Variants in KHDRBS2 observed in about 807,000 individuals in gnomAD.
The protein encoded by KHDRBS2 is KH RNA binding domain containing, signal transduction associated 2, also known as KH domain-containing, RNA-binding, signal transduction-associated protein 2.
Under a neutral mutation model 44.3 loss-of-function variants are expected in KHDRBS2, and 26 were observed. That is an observed-to-expected ratio of 0.59 (90% CI 0.43 to 0.81). The LOEUF is 0.81. Among genes scored for constraint, KHDRBS2 ranks in the 40% least tolerant of loss-of-function variants. The pLI, the probability that KHDRBS2 is intolerant of heterozygous loss-of-function variation, is 0.00. For synonymous variants in KHDRBS2, 194 were observed against 151.1 expected (o/e 1.28, Z -2.08); for missense variants, 476 against 433.1 (o/e 1.10, Z -0.88).
chr6:61,992,137 C>A (rs970710823), intron 3 of KHDRBS2, among the ~76,000 whole-genome samples: 2 of 152,178 alleles, frequency 1.3e-5, no homozygotes, highest in East Asian at 3.9e-4. Context: ...ACTGTTGCTA[C>A]TTTTAGCTTT....
At chr6:61,814,426 G>A (rs1224803339) in intron 6 of KHDRBS2, among the ~76,000 whole-genome samples, 3 of 152,022 alleles carry the variant, frequency 2.0e-5, no homozygotes, top group Non-Finnish European at 4.4e-5. Flanking sequence ...GGCTAACATG[G>A]TGAAATCCTG....
At chr6:61,590,766 T>C in the KHDRBS2 span, among the ~76,000 whole-genome samples, 1 of 152,174 alleles carries the variant, frequency 6.6e-6, no homozygotes. Context: ...AGTTATTCAA[T>C]GAAAAATCTG....
intron 1 of KHDRBS2, among the ~76,000 whole-genome samples, chr6:62,182,051 T>C (rs1446675055): frequency 6.6e-6 from 1 of 151,968 alleles, no homozygotes; most frequent in Admixed American, 6.6e-5. Context: ...AAAAGCATCA[T>C]CTATGAAGCA....
At chr6:62,102,289 C>T (rs1165432296) in intron 2 of KHDRBS2, among the ~76,000 whole-genome samples, 3 of 152,116 alleles carry the variant, frequency 2.0e-5, no homozygotes, top group East Asian at 1.9e-4. Flanking sequence ...TGAAGAAATA[C>T]CCAAGACTGG....
intron 2 of KHDRBS2, among the ~76,000 whole-genome samples, chr6:62,109,411 T>C (rs1319020518): frequency 6.6e-6 from 1 of 152,014 alleles, no homozygotes; most frequent in Non-Finnish European, 1.5e-5. Flanking sequence ...GACAAGAGAT[T>C]ATATAAAGAT....
chr6:61,597,757 T>C, the KHDRBS2 span, among the ~76,000 whole-genome samples: 45 of 53,888 alleles, frequency 8.4e-4, no homozygotes, highest in East Asian at 2.3e-3. Context: ...TATATATATA[T>C]ACATATATAT....
chr6:62,275,241 T>C (rs1267775654), intron 1 of KHDRBS2, among the ~76,000 whole-genome samples: 4 of 152,196 alleles, frequency 2.6e-5, no homozygotes. Context: ...CCATTTATCA[T>C]ACTGAAGTCC....
intron 6 of KHDRBS2, among the ~76,000 whole-genome samples, chr6:61,836,740 A>T (rs1489811646): frequency 8.8e-6 from 1 of 113,188 alleles, no homozygotes; most frequent in Non-Finnish European, 1.8e-5. Context: ...TTAGTGTTAC[A>T]CCTATTAGGT....
At chr6:61,844,606 G>T (rs1292706935) in intron 6 of KHDRBS2, among the ~76,000 whole-genome samples, 7 of 152,050 alleles carry the variant, frequency 4.6e-5, no homozygotes, top group African/African-American at 1.7e-4. Context: ...ATAAAAGCAA[G>T]AACTTTGTCT....
chr6:61,955,153 T>C (rs1766366084), intron 4 of KHDRBS2, among the ~76,000 whole-genome samples: 1 of 145,242 alleles, frequency 6.9e-6, no homozygotes, highest in African/African-American at 2.5e-5. Flanking sequence ...CATACGTGTG[T>C]ATGTATGTAT....
intron 1 of KHDRBS2, among the ~76,000 whole-genome samples, chr6:62,279,004 G>A (rs1425313612): frequency 6.6e-6 from 1 of 152,172 alleles, no homozygotes; most frequent in East Asian, 1.9e-4. Context: ...TGAGACAGGA[G>A]AATGGCCTGA....
intron 4 of KHDRBS2, among the ~76,000 whole-genome samples, chr6:61,913,882 C>A (rs1302833123): frequency 2.0e-5 from 3 of 151,934 alleles, no homozygotes; most frequent in African/African-American, 7.3e-5. Context: ...AGGGAGAATG[C>A]CAGTGCATAT....
intron 3 of KHDRBS2, among the ~76,000 whole-genome samples, chr6:62,024,765 A>G (rs950351662): frequency 4.6e-5 from 7 of 151,528 alleles, no homozygotes; most frequent in Non-Finnish European, 1.0e-4. Flanking sequence ...TTTTTTCATC[A>G]TTCTATTTCA....
intron 1 of KHDRBS2, among the ~76,000 whole-genome samples, chr6:62,254,095 T>C (rs1396365979): frequency 6.6e-6 from 1 of 152,030 alleles, no homozygotes; most frequent in Admixed American, 6.6e-5. Context: ...AGGAACAGTG[T>C]TGAAAAAATA....
intron 6 of KHDRBS2, among the ~76,000 whole-genome samples, chr6:61,755,608 G>C (rs575578238): frequency 6.6e-6 from 1 of 151,822 alleles, no homozygotes; most frequent in South Asian, 2.1e-4. Flanking sequence ...TCAGGAGTTC[G>C]AGACCAGCCT....
intron 6 of KHDRBS2, among the ~76,000 whole-genome samples, chr6:61,871,039 G>A (rs1798580315): frequency 1.3e-5 from 2 of 152,138 alleles, no homozygotes; most frequent in Non-Finnish European, 2.9e-5. Context: ...GCTTCAGAAA[G>A]TGGGTAATAA....
At chr6:61,557,631 T>C in the KHDRBS2 span, among the ~76,000 whole-genome samples, 1 of 152,204 alleles carries the variant, frequency 6.6e-6, no homozygotes, top group African/African-American at 2.4e-5. Context: ...GATATCAGGA[T>C]AATAGTAGTA....
downstream of KHDRBS2, among the ~76,000 whole-genome samples, chr6:61,677,386 G>A (rs1766005178): frequency 6.6e-6 from 1 of 151,854 alleles, no homozygotes; most frequent in Non-Finnish European, 1.5e-5. Context: ...TATATGAAAT[G>A]TTACTGATAA....
intron 1 of KHDRBS2, among the ~76,000 whole-genome samples, chr6:62,181,543 G>A (rs1822309536): frequency 6.6e-6 from 1 of 151,870 alleles, no homozygotes; most frequent in Non-Finnish European, 1.5e-5. Context: ...AAGAAAGTTG[G>A]CAAGGATGTG....
Sources: gnomAD v4.1 joint callset for allele counts (sites outside exome capture counted in the v4.1 genomes callset) on GRCh38, gnomAD v4.1.1 for gene constraint, MANE v1.5 for transcripts, NCBI Gene and HGNC (gene_info 2026-07-23, HGNC 2026-07-21) for gene names.